Variants in MFSD6 observed in about 807,000 individuals in gnomAD.
MFSD6 encodes major facilitator superfamily domain-containing protein 6.
A neutral mutation model predicts 56.3 loss-of-function variants in MFSD6; 26 were observed. That is an observed-to-expected ratio of 0.46 (90% CI 0.34 to 0.64). The LOEUF is 0.64. Ranked by LOEUF, MFSD6 falls within the 30% of genes least tolerant of loss-of-function variation. The pLI is 0.01. For synonymous variants in MFSD6, 331 were observed against 366.9 expected (o/e 0.90, Z 1.12); for missense variants, 750 against 986.2 (o/e 0.76, Z 3.21).
chr2:190,483,535 G>A (rs1688822130), intron 4 of MFSD6, among the ~76,000 whole-genome samples: 2 of 152,108 alleles, frequency 1.3e-5, no homozygotes, highest in Admixed American at 6.5e-5. Flanking sequence ...AAGCTGATGT[G>A]ATAATATTAA....
chr2:190,472,081 C>A (rs1687975403), intron 4 of MFSD6, among the ~76,000 whole-genome samples: 1 of 152,120 alleles, frequency 6.6e-6, no homozygotes. Flanking sequence ...ACACCAAAAC[C>A]CCATCTGTAC....
In MFSD6 at chr2:190,494,045, C is replaced by CA. The variant is rs1371442424; in HGVS notation, c.1892-3388dup. Among the ~76,000 whole-genome samples the CA allele has an allele frequency of 2.0e-5, 3 of 151,012 alleles. No individual in the cohort carries two copies. Among genetic ancestry groups the CA allele is most frequent in the Non-Finnish European group, 4.4e-5 (3 of 67,666 alleles). On this transcript the variant is annotated intron_variant, in intron 6 of 7. Transcript: ENST00000392328. The surrounding 1 kb of genome is among the most constrained non-coding windows in gnomAD (Gnocchi z 5.7). ...AAATGAAATTGAAGGAAAAAAAATA[C>CA]AAAAAATAAATGAAACAAAAAGCTG...
intron 4 of MFSD6, among the ~76,000 whole-genome samples, chr2:190,481,809 C>A (rs1688684652): frequency 6.6e-6 from 1 of 152,196 alleles, no homozygotes; most frequent in African/African-American, 2.4e-5. Flanking sequence ...AACTTTCTTT[C>A]GTGCAGCACA....
Position 190,483,835 on chromosome 2 carries a change from C to CAA in MFSD6, c.1631-4802_1631-4801dup, listed in dbSNP as rs34089229. On this transcript the variant is annotated intron_variant, in intron 4 of 7. Transcript: ENST00000392328. ...GGGCAACAAGAGTGAAACTCATTTT[C>CAA]AAAAAAAAAAAAAAAAAAAAAGTTA... Among the ~76,000 whole-genome samples, 194 of 86,486 alleles carry CAA rather than the reference C, an allele frequency of 2.2e-3. 1 individual carries two copies. Among genetic ancestry groups the CAA allele is most frequent in the East Asian group, 0.011 (37 of 3,376 alleles). The allele number at this position is 86,486 out of a possible 152,430, so 56.7% of individuals were successfully genotyped here.
chr2:190,473,562 A>G (rs1688085422), intron 4 of MFSD6, among the ~76,000 whole-genome samples: 1 of 152,212 alleles, frequency 6.6e-6, no homozygotes. Flanking sequence ...GAGCACCCAG[A>G]TTCATAAAGC....
chr2:190,436,402 G>T lies in MFSD6; in HGVS notation c.373G>T (p.Ala125Ser). ...CAGTGCCCCCTTTTGGGGTGTAGTT[G>T]CAGACCGCTTTAAAAAAGGCAAAAT... is the stretch of plus-strand genomic sequence containing the variant. ...FCSAPFWGVV[A>S]DRFKKGKIVL... The change falls in exon 3 of 8, where the codon GCA becomes TCA. Residue 125 changes from alanine (A) to serine (S), a missense_variant. Ala to Ser is a moderately conservative substitution (Grantham distance 99, BLOSUM62 1). Around this residue, in one of 5 missense-constraint regions of MFSD6, gnomAD observed 376 missense variants for 437.9 expected, o/e 0.86. Coordinates refer to ENST00000392328, the MANE Select transcript of MFSD6 (RefSeq NM_017694.4). The surrounding 1 kb of genome is among the most constrained non-coding windows in gnomAD (Gnocchi z 5.3). 1.2e-6 allele frequency: 2 copies of T among 1,614,106 alleles called. No homozygotes were observed. Among genetic ancestry groups the T allele is most frequent in the South Asian group, 2.2e-5 (2 of 91,082 alleles).
At position 190,454,094 on chromosome 2, in the gene MFSD6, GT is replaced by G. The variant is rs1224888635; in HGVS notation, c.1533-15660del. On this transcript the variant is annotated intron_variant, in intron 3 of 7. Transcript: ENST00000392328. The surrounding 1 kb of genome is among the most constrained non-coding windows in gnomAD (Gnocchi z 4.6). ...ATTATTGTAGGCCTCGCAATTTATA[GT>G]TTTAACAAATATTTTTATTGTTACA... The G allele has an allele frequency of 1.4e-4, 21 of 152,154 alleles. No individual in the cohort carries two copies. The highest frequency in any genetic ancestry group is 5.1e-4 in the African/African-American group (21 of 41,444). The allele number at this position is 152,154 out of a possible 1,614,324, so 9.4% of individuals were successfully genotyped here. A position where few individuals can be genotyped will look rare whatever the true frequency, so the allele number is the denominator to read the frequency against.
In MFSD6 at chr2:190,436,015, T is replaced by C. The variant is rs376539314; in HGVS notation, c.-15T>C. ...ATTCTGAAGTTTGTAAACTTGCTGA[T>C]GGTGGTGGTAAGCCATGGCAGATGA... On this transcript the variant is annotated 5_prime_UTR_variant, in exon 3 of 8. It removes an upstream start codon present in the reference 5' UTR. Coordinates refer to ENST00000392328, the MANE Select transcript of MFSD6 (RefSeq NM_017694.4). This position sits in a 1 kb window ranked among gnomAD's most constrained non-coding sequence, Gnocchi z 5.3. 1 of 1,591,794 alleles carries C rather than the reference T, an allele frequency of 6.3e-7. No homozygotes were observed. Among genetic ancestry groups the C allele is most frequent in the Non-Finnish European group, 8.6e-7 (1 of 1,168,094 alleles).
chr2:190,418,488 G>A lies in MFSD6; in HGVS notation c.-54+3075G>A, dbSNP rs1287127048. Among the ~76,000 whole-genome samples the A allele has an allele frequency of 2.0e-5, 3 of 151,986 alleles. No individual in the cohort carries two copies. ...AATGACAAGGTGGTTGGGCACAGTG[G>A]CCCACACCTGTAATTCCAGTACTTT... On this transcript the variant is annotated intron_variant, in intron 2 of 7. Transcript: ENST00000392328. This position sits in a 1 kb window ranked among gnomAD's most constrained non-coding sequence, Gnocchi z 4.1.
intron 3 of MFSD6, among the ~76,000 whole-genome samples, chr2:190,445,727 G>A (rs1266403026): frequency 6.6e-6 from 1 of 152,066 alleles, no homozygotes; most frequent in East Asian, 1.9e-4. Context: ...CATTTGCAGA[G>A]TCAGTTGGAA....
At position 190,436,603 on chromosome 2, in the gene MFSD6, T is replaced by A. The variant is rs769797671; in HGVS notation, c.574T>A (p.Ser192Thr). Reference sequence around the variant, plus strand: ...TTCCTTTACCTCTTTCCTCACCATATCACCAAAAATGCGTGAGAAAAGAAA... The same window carrying A: ...TTCCTTTACCTCTTTCCTCACCATAACACCAAAAATGCGTGAGAAAAGAAA... ...NSSFTSFLTI[S>T]PKMREKRNLL... is the part of the protein sequence containing the mutation. Residue 192 changes from serine to threonine, a missense_variant, in exon 3 of 8, where the codon TCA becomes ACA. By Grantham distance (58) the Ser-to-Thr change is moderately conservative (BLOSUM62 1). Around this residue, in one of 5 missense-constraint regions of MFSD6, gnomAD observed 376 missense variants for 437.9 expected, o/e 0.86. Coordinates refer to ENST00000392328, the MANE Select transcript of MFSD6 (RefSeq NM_017694.4). This position sits in a 1 kb window ranked among gnomAD's most constrained non-coding sequence, Gnocchi z 5.3. 1.1e-5 allele frequency: 18 copies of A among 1,614,010 alleles called. No individual in the cohort carries two copies. The South Asian group carries it at 1.2e-4, about 11-fold the overall frequency.
chr2:190,409,394 A>G (rs1228659308), intron 1 of MFSD6, among the ~76,000 whole-genome samples: 2 of 152,166 alleles, frequency 1.3e-5, no homozygotes, highest in African/African-American at 4.8e-5. Flanking sequence ...ACCTCACAGA[A>G]CTACTGGAAC....
rs1005534660 is a variant in MFSD6, at chr2:190,433,490, T to G, written c.-53-2487T>G. 1.3e-4 allele frequency: 20 copies of G among 152,224 alleles called. No individual in the cohort carries two copies. The highest frequency in any genetic ancestry group is 1.3e-3 in the Admixed American group (20 of 15,290). The allele number at this position is 152,224 out of a possible 1,614,324, so 9.4% of individuals were successfully genotyped here. ...CTAGGAGGAAAAAAATGTTTTTCTTTCACTATTAAGAAAAACCTGATTTGG... is the reference window on the plus strand; with the variant it reads ...CTAGGAGGAAAAAAATGTTTTTCTTGCACTATTAAGAAAAACCTGATTTGG... On this transcript the variant is annotated intron_variant, in intron 2 of 7. Coordinates refer to ENST00000392328, the MANE Select transcript of MFSD6 (RefSeq NM_017694.4). This position sits in a 1 kb window ranked among gnomAD's most constrained non-coding sequence, Gnocchi z 4.5.
At chr2:190,445,682 C>A (rs188519220) in intron 3 of MFSD6, among the ~76,000 whole-genome samples, 1 of 152,206 alleles carries the variant, frequency 6.6e-6, no homozygotes, top group Non-Finnish European at 1.5e-5. Context: ...AACATAAGGT[C>A]TTTTTCCTCT....
rs541763655 is a variant in MFSD6 at position 190,467,864 on chromosome 2, T to C, written c.1533-1894T>C. Among the ~76,000 whole-genome samples the C allele has an allele frequency of 6.6e-6, 1 of 152,336 alleles. No homozygotes were observed. The highest frequency in any genetic ancestry group is 2.4e-5 in the African/African-American group (1 of 41,582). On this transcript the variant is annotated intron_variant, in intron 3 of 7. Transcript: ENST00000392328. This position sits in a 1 kb window ranked among gnomAD's most constrained non-coding sequence, Gnocchi z 5.5. The stretch of plus-strand genomic sequence containing the variant: ...ACATGGCCATGCTCATTCATTTACA[T>C]ATTGCCTGTGGCTGCTTTCATGCTA...
rs146641455 is a variant in MFSD6 at position 190,441,287 on chromosome 2, T to C, written c.1532+3726T>C. Among the ~76,000 whole-genome samples, 101 of 152,116 alleles carry C rather than the reference T, an allele frequency of 6.6e-4. 2 individuals carry two copies. In the East Asian group the frequency reaches 0.011, roughly 17 times the overall value. On this transcript the variant is annotated intron_variant, in intron 3 of 7. Transcript: ENST00000392328. Reference sequence around the variant, plus strand: ...TTCGGCTAATGTATTGGTTCTCAACTCACCAAGAGAGCTTTTAAAGCTCCT... The same window carrying C: ...TTCGGCTAATGTATTGGTTCTCAACCCACCAAGAGAGCTTTTAAAGCTCCT...
At chr2:190,445,629 C>T (rs931798298) in intron 3 of MFSD6, among the ~76,000 whole-genome samples, 3 of 152,134 alleles carry the variant, frequency 2.0e-5, no homozygotes, top group African/African-American at 7.2e-5. Flanking sequence ...CATTCGGATA[C>T]ATAAAAGACA....
chr2:190,452,784 T>C (rs4146925), intron 3 of MFSD6, among the ~76,000 whole-genome samples: 133,953 of 152,192 alleles, frequency 0.88, 59,760 homozygotes, highest in East Asian at 1. Context: ...ATTCCTTTTA[T>C]CCTGAGTGAA....
intron 4 of MFSD6, among the ~76,000 whole-genome samples, chr2:190,483,984 T>A (rs947046748): frequency 6.6e-6 from 1 of 152,146 alleles, no homozygotes; most frequent in African/African-American, 2.4e-5. Flanking sequence ...TTACTGTGCC[T>A]CAAAGCCAAT....
Sources: allele counts gnomAD v4.1 joint callset (sites outside exome capture counted in the v4.1 genomes callset), GRCh38; gene constraint gnomAD v4.1.1; regional missense constraint gnomAD v4.1.1; non-coding constraint Gnocchi (gnomAD v3.1); transcripts MANE v1.5; gene names NCBI Gene and HGNC (gene_info 2026-07-23, HGNC 2026-07-21).